SERGEF: variants seen among roughly 807,000 people sequenced by gnomAD.
The protein encoded by SERGEF is secretion-regulating guanine nucleotide exchange factor.
SERGEF carries 51 observed loss-of-function variants against 50.0 expected under a neutral mutation model. The observed-to-expected ratio is 1.02, with a 90% CI of 0.81 to 1.29. The LOEUF (loss-of-function observed/expected upper bound fraction) is 1.29. SERGEF is among the 50% of genes most tolerant of loss of function. The pLI is 0.00. For missense variants in SERGEF, 521 were observed against 557.0 expected (o/e 0.94, Z 0.65); for synonymous variants, 205 against 212.4 (o/e 0.97, Z 0.30).
intron 10 of SERGEF, among the ~76,000 whole-genome samples, chr11:17,858,207 A>T (rs1436731684): frequency 6.6e-6 from 1 of 152,198 alleles, no homozygotes; most frequent in Non-Finnish European, 1.5e-5. Context: ...TCTCCCCAAC[A>T]CACATAACTA....
intron 9 of SERGEF, among the ~76,000 whole-genome samples, chr11:17,912,146 G>A (rs1045045420): frequency 1.3e-5 from 2 of 152,180 alleles, no homozygotes; most frequent in African/African-American, 4.8e-5. Context: ...GAATCTGGGA[G>A]ACATACAGTA....
Position 17,928,375 on chromosome 11 carries a change from G to A in SERGEF, c.1011+31095C>T, listed in dbSNP as rs772165473. Among the ~76,000 whole-genome samples, 18 of 152,274 alleles carry A rather than the reference G, an allele frequency of 1.2e-4. 1 individual carries two copies. In the Middle Eastern group the frequency reaches 0.01, roughly 86 times the overall value. On this transcript the variant is annotated intron_variant, in intron 9 of 10. Transcript: ENST00000265965. ...AACTCTGGGGTCACAGACCCACAGA[G>A]TCAGTCCATGGAGGAGAAAGGGAAA...
At chr11:17,894,572 C>T (rs182940511) in intron 9 of SERGEF, among the ~76,000 whole-genome samples, 10 of 152,256 alleles carry the variant, frequency 6.6e-5, no homozygotes, top group South Asian at 2.1e-4. Flanking sequence ...TTCTTAATCA[C>T]GCGGGATATA....
At chr11:17,917,079 G>T (rs747222767) in intron 9 of SERGEF, among the ~76,000 whole-genome samples, 4 of 152,202 alleles carry the variant, frequency 2.6e-5, no homozygotes, top group Admixed American at 1.3e-4. Flanking sequence ...TCTACCCAGA[G>T]AAAAAGAAGT....
At chr11:17,833,490 T>C (rs965685150) in intron 10 of SERGEF, among the ~76,000 whole-genome samples, 1 of 152,202 alleles carries the variant, frequency 6.6e-6, no homozygotes, top group Admixed American at 6.5e-5. Context: ...ACAGAGTCCC[T>C]ACTGGGGCAC....
At chr11:17,948,404 T>C (rs1852711483) in intron 9 of SERGEF, among the ~76,000 whole-genome samples, 1 of 151,784 alleles carries the variant, frequency 6.6e-6, no homozygotes, top group African/African-American at 2.4e-5. Flanking sequence ...CGCAGTGTAG[T>C]CTCTTGATTC....
At chr11:17,823,290 T>C (rs60665670) in intron 10 of SERGEF, among the ~76,000 whole-genome samples, 1,600 of 152,320 alleles carry the variant, frequency 0.011, 32 homozygotes, top group African/African-American at 0.037. Flanking sequence ...ATAAAAGTTA[T>C]ATACTATCAA....
At chr11:17,846,853 G>A in intron 10 of SERGEF, 1 of 434,552 alleles carries the variant, frequency 2.3e-6, no homozygotes, top group South Asian at 1.6e-5. Context: ...TAGTATGTTA[G>A]AGGTGTTTCC....
intron 4 of SERGEF, chr11:18,001,917 C>T: frequency 2.2e-6 from 1 of 449,882 alleles, no homozygotes; most frequent in South Asian, 1.6e-5. Context: ...CTTTAGGACC[C>T]TCAAGGGCAG....
Position 17,840,523 on chromosome 11 carries a change from C to G in SERGEF, c.1048+37685G>C, listed in dbSNP as rs114111282. Among the ~76,000 whole-genome samples, 783 of 152,306 alleles carry G rather than the reference C, an allele frequency of 5.1e-3. 5 individuals carry two copies. Among genetic ancestry groups the G allele is most frequent in the African/African-American group, 0.018 (739 of 41,556 alleles). ...TCACCCTCACCTGCTAACCTGGACA[C>G]AAAGAGTTGCTTTCAGGCAACAAAC... is the stretch of plus-strand genomic sequence containing the variant. On this transcript the variant is annotated intron_variant, in intron 10 of 10. Transcript: ENST00000265965.
intron 10 of SERGEF, among the ~76,000 whole-genome samples, chr11:17,837,160 C>A (rs1183859200): frequency 1.3e-5 from 2 of 152,138 alleles, no homozygotes; most frequent in African/African-American, 4.8e-5. Flanking sequence ...CCTTACCACA[C>A]CCCACACCCC....
At position 17,884,177 on chromosome 11, in the gene SERGEF, C is replaced by T. The variant is rs1029181050; in HGVS notation, c.1012-5933G>A. ...CTCGCCGGGTGCCAATGAGCCCGGG[C>T]GCCTTCAGGTGCTATGGCAACGAGG... On this transcript the variant is annotated intron_variant, in intron 9 of 10. Transcript: ENST00000265965. The surrounding 1 kb of genome is among the most constrained non-coding windows in gnomAD (Gnocchi z 4.6). Among the ~76,000 whole-genome samples, 1 of 152,200 alleles carries T rather than the reference C, an allele frequency of 6.6e-6. No individual in the cohort carries two copies. The highest frequency in any genetic ancestry group is 6.5e-5 in the Admixed American group (1 of 15,284).
At chr11:17,877,394 T>C (rs1851257275) in intron 10 of SERGEF, among the ~76,000 whole-genome samples, 1 of 152,192 alleles carries the variant, frequency 6.6e-6, no homozygotes, top group Non-Finnish European at 1.5e-5. Flanking sequence ...ATAACGAACA[T>C]TACCAAAGCC....
chr11:18,001,363 C>A (rs1853957469), intron 4 of SERGEF, among the ~76,000 whole-genome samples: 1 of 152,166 alleles, frequency 6.6e-6, no homozygotes. Flanking sequence ...CAATGAGTGA[C>A]TCAGAGTCTA....
At chr11:17,993,584 A>C (rs1853766099) in intron 6 of SERGEF, among the ~76,000 whole-genome samples, 1 of 152,242 alleles carries the variant, frequency 6.6e-6, no homozygotes, top group African/African-American at 2.4e-5. Flanking sequence ...TACACTGCTA[A>C]AAGTGGAGCT....
intron 8 of SERGEF, among the ~76,000 whole-genome samples, chr11:17,986,162 G>A (rs1853591682): frequency 1.3e-5 from 2 of 152,160 alleles, no homozygotes; most frequent in African/African-American, 4.8e-5. Flanking sequence ...CTGACCCTGT[G>A]AGGAAATCTT....
At chr11:17,813,600 G>T (rs1017887001) in intron 10 of SERGEF, among the ~76,000 whole-genome samples, 5 of 152,144 alleles carry the variant, frequency 3.3e-5, no homozygotes, top group African/African-American at 1.2e-4. Flanking sequence ...TTCTAGGCAG[G>T]GAGTTAACTC....
At chr11:17,973,152 G>A (rs577068804) in intron 8 of SERGEF, among the ~76,000 whole-genome samples, 4 of 152,184 alleles carry the variant, frequency 2.6e-5, no homozygotes, top group African/African-American at 7.2e-5. Flanking sequence ...AAGGAAAGCC[G>A]CAGTTCCCAA....
At chr11:17,910,000 A>G (rs1468813071) in intron 9 of SERGEF, among the ~76,000 whole-genome samples, 1 of 152,134 alleles carries the variant, frequency 6.6e-6, no homozygotes, top group Non-Finnish European at 1.5e-5. Context: ...TCTCTCATGC[A>G]CTATCATTCA....
Sources: gnomAD v4.1 joint callset for allele counts (sites outside exome capture counted in the v4.1 genomes callset) on GRCh38, gnomAD v4.1.1 for gene constraint, Gnocchi (gnomAD v3.1) non-coding constraint, MANE v1.5 for transcripts, NCBI Gene and HGNC (gene_info 2026-07-23, HGNC 2026-07-21) for gene names.